Variants in NLN observed in about 807,000 individuals in gnomAD.
NLN encodes neurolysin, mitochondrial.
In NLN, 64 loss-of-function variants were observed where a neutral mutation model predicts 79.9. The observed-to-expected ratio is 0.80, with a 90% CI of 0.65 to 0.99. NLN has a LOEUF of 0.99. NLN is among the 50% of genes least tolerant of loss of function. The probability of loss-of-function intolerance (pLI) is 0.00; values close to 1 mark genes in which losing one functional copy is unlikely to be tolerated. For synonymous variants in NLN, 267 were observed against 296.6 expected (o/e 0.90, Z 1.02); for missense variants, 835 against 858.7 (o/e 0.97, Z 0.34).
chr5:65,722,517 G>T (rs1758337970), intron 1 of NLN, 103 bp downstream of exon 1: 7 of 1,093,922 alleles, frequency 6.4e-6, no homozygotes, highest in Non-Finnish European at 9.2e-6. Context: ...GCGCCTCTCC[G>T]ACGCTCCCGG....
intron 12 of NLN, among the ~76,000 whole-genome samples, chr5:65,813,662 C>T (rs1760605548): frequency 6.6e-6 from 1 of 152,132 alleles, no homozygotes; most frequent in Non-Finnish European, 1.5e-5. Context: ...TGCAGTGGCT[C>T]ACACCTGTAA....
intron 1 of NLN, among the ~76,000 whole-genome samples, chr5:65,726,758 A>G (rs1229539403): frequency 6.6e-6 from 1 of 152,258 alleles, no homozygotes; most frequent in African/African-American, 2.4e-5. Context: ...TAATCATCAT[A>G]TATGGTAGTC....
chr5:65,735,189 G>A (rs1267989661), intron 1 of NLN, among the ~76,000 whole-genome samples: 3 of 152,074 alleles, frequency 2.0e-5, no homozygotes, highest in African/African-American at 7.3e-5. Context: ...ATAAGGAGGT[G>A]TTTGCTTCCC....
At chr5:65,750,311 CAT>C (rs1346162916) in intron 1 of NLN, among the ~76,000 whole-genome samples, 27 of 152,314 alleles carry the variant, frequency 1.8e-4, no homozygotes, top group Middle Eastern at 6.8e-3. Context: ...TTTATTTACT[CAT>C]AATTCATTTA....
At chr5:65,741,413 A>T (rs1758866427) in intron 1 of NLN, among the ~76,000 whole-genome samples, 1 of 152,180 alleles carries the variant, frequency 6.6e-6, no homozygotes, top group African/African-American at 2.4e-5. Flanking sequence ...AAAATAATTA[A>T]CACTTATTTT....
At chr5:65,746,483 A>G (rs1164083776) in intron 1 of NLN, among the ~76,000 whole-genome samples, 2 of 152,224 alleles carry the variant, frequency 1.3e-5, no homozygotes, top group Non-Finnish European at 2.9e-5. Context: ...TTATGAGACC[A>G]GGACCCAGAT....
chr5:65,764,333 C>T (rs1365371476), intron 3 of NLN, among the ~76,000 whole-genome samples: 1 of 152,146 alleles, frequency 6.6e-6, no homozygotes, highest in Non-Finnish European at 1.5e-5. Context: ...TTGAGACCAG[C>T]CTGGCCAACA....
At chr5:65,789,506 G>A (rs1482369045) in intron 8 of NLN, among the ~76,000 whole-genome samples, 1 of 152,176 alleles carries the variant, frequency 6.6e-6, no homozygotes, top group African/African-American at 2.4e-5. Context: ...CCCAGACATG[G>A]TGGCTCACAC....
chr5:65,777,649 G>A, intron 4 of NLN, 115 bp downstream of exon 4: 1 of 681,360 alleles, frequency 1.5e-6, no homozygotes, highest in Non-Finnish European at 2.5e-6. Flanking sequence ...GCAACTTTTG[G>A]GTGCCAACAT....
At chr5:65,812,135 G>A in intron 11 of NLN, 120 bp from the exon 12 acceptor site, 1 of 796,310 alleles carries the variant, frequency 1.3e-6, no homozygotes, top group East Asian at 2.5e-5. Context: ...CTAGAGGTGA[G>A]ATCATGTCAT....
At chr5:65,804,428 G>A (rs749787962) in intron 9 of NLN, among the ~76,000 whole-genome samples, 10 of 152,148 alleles carry the variant, frequency 6.6e-5, no homozygotes, top group Non-Finnish European at 1.5e-4. Flanking sequence ...CAAATTGAAG[G>A]TTTATGTCAA....
At chr5:65,745,674 ATGAGAGCAAAAGGATGGCAC>A (rs1236568132) in intron 1 of NLN, among the ~76,000 whole-genome samples, 1 of 152,234 alleles carries the variant, frequency 6.6e-6, no homozygotes, top group Non-Finnish European at 1.5e-5. Context: ...GAGCATAGAT[ATGAGAGCAAAAGGATGGCAC>A]TGAGAAAGCC....
rs376540769 is a variant in NLN at position 65,826,349 on chromosome 5, A to G, written c.*3434A>G. 1 of 152,080 alleles carries G rather than the reference A, an allele frequency of 6.6e-6. No individual in the cohort carries two copies. The highest frequency in any genetic ancestry group is 1.5e-5 in the Non-Finnish European group (1 of 68,028). 9.4% of individuals were successfully genotyped at this position (152,080 alleles called of 1,614,324 possible). A position where few individuals can be genotyped will look rare whatever the true frequency, so the allele number is the denominator to read the frequency against. On this transcript the variant is annotated 3_prime_UTR_variant, in exon 13 of 13. Coordinates refer to ENST00000380985, the MANE Select transcript of NLN (RefSeq NM_020726.5). ...AGGCCCCACCCCCTAACCCCATCAC[A>G]TTGGCTGTTACGGCTTCAATGTAGG...
At chr5:65,797,062 G>A (rs965486000) in intron 9 of NLN, among the ~76,000 whole-genome samples, 1 of 152,196 alleles carries the variant, frequency 6.6e-6, no homozygotes, top group East Asian at 1.9e-4. Context: ...CTCGTATTAC[G>A]TTTACAGGGT....
At chr5:65,781,462 AT>A in intron 6 of NLN, 41 bp downstream of exon 6, 2 of 1,455,084 alleles carry the variant, frequency 1.4e-6, no homozygotes, top group Non-Finnish European at 9.6e-7. Flanking sequence ...TTAATGGAAT[AT>A]TTTAAGAAAA....
intron 8 of NLN, among the ~76,000 whole-genome samples, chr5:65,791,267 CA>C (rs1183875893): frequency 1.3e-5 from 2 of 151,922 alleles, no homozygotes; most frequent in Non-Finnish European, 2.9e-5. Context: ...AGTAAAAATA[CA>C]AAAATTAGGC....
At chr5:65,809,131 T>C (rs1290932804) in intron 9 of NLN, 4 of 161,502 alleles carry the variant, frequency 2.5e-5, no homozygotes, top group African/African-American at 9.6e-5. Context: ...AAGGAGGAGC[T>C]AGGGAGAAAT....
chr5:65,760,597 C>T (rs1454068304), intron 2 of NLN, among the ~76,000 whole-genome samples: 3 of 152,198 alleles, frequency 2.0e-5, no homozygotes, highest in Non-Finnish European at 2.9e-5. Context: ...ACTGCAGCCT[C>T]GAACTCTTGG....
At chr5:65,744,758 C>A (rs958578191) in intron 1 of NLN, among the ~76,000 whole-genome samples, 2 of 151,996 alleles carry the variant, frequency 1.3e-5, no homozygotes, top group African/African-American at 4.8e-5. Context: ...AATTTGTATT[C>A]CAGCTACTCA....
Sources: allele counts gnomAD v4.1 joint callset (sites outside exome capture counted in the v4.1 genomes callset), GRCh38; gene constraint gnomAD v4.1.1; transcripts MANE v1.5; gene names NCBI Gene and HGNC (gene_info 2026-07-23, HGNC 2026-07-21).